Variants in RPS6KA2 observed in about 807,000 individuals in gnomAD.
RPS6KA2 encodes ribosomal protein S6 kinase alpha-2.
A neutral mutation model predicts 91.8 loss-of-function variants in RPS6KA2; 42 were observed. The observed-to-expected ratio is 0.46, with a 90% CI of 0.36 to 0.59. The LOEUF (loss-of-function observed/expected upper bound fraction) is 0.59. Ranked by LOEUF, RPS6KA2 falls within the 20% of genes least tolerant of loss-of-function variation. RPS6KA2 has a pLI of 0.00. For missense variants in RPS6KA2, 798 were observed against 978.5 expected, an observed-to-expected ratio of 0.82 and a Z score of 2.46; for synonymous variants, 414 against 393.6, an observed-to-expected ratio of 1.05 and a Z score of -0.61.
At chr6:166,530,418 T>TC (rs1159543307) in intron 3 of RPS6KA2, among the ~76,000 whole-genome samples, 7 of 152,126 alleles carry the variant, frequency 4.6e-5, no homozygotes, top group Non-Finnish European at 1.5e-5. Flanking sequence ...CACGTGACCC[T>TC]CCCGTTCCTA....
intron 2 of RPS6KA2, among the ~76,000 whole-genome samples, chr6:166,773,030 C>T (rs1243695184): frequency 6.6e-6 from 1 of 152,150 alleles, no homozygotes; most frequent in Non-Finnish European, 1.5e-5. Flanking sequence ...CCACACCCAT[C>T]CTCTCTACAC....
intron 2 of RPS6KA2, among the ~76,000 whole-genome samples, chr6:166,805,850 T>TG (rs1393678323): frequency 0.019 from 2,916 of 152,216 alleles, 104 homozygotes; most frequent in African/African-American, 0.066. Flanking sequence ...TAAAGATGCT[T>TG]GAAGAACTAA....
intron 2 of RPS6KA2, among the ~76,000 whole-genome samples, chr6:166,843,899 A>AATGGATC (rs936840490): frequency 2.6e-4 from 39 of 152,282 alleles, no homozygotes; most frequent in African/African-American, 8.2e-4. Context: ...GCACACCAGC[A>AATGGATC]ATGGATCCAA....
intron 2 of RPS6KA2, among the ~76,000 whole-genome samples, chr6:166,793,264 G>C (rs1779142133): frequency 6.7e-6 from 1 of 148,250 alleles, no homozygotes; most frequent in South Asian, 2.1e-4. Flanking sequence ...TTGCTTCAAA[G>C]AGAATAAAAT....
rs951830763 is a variant in RPS6KA2 at position 166,451,326 on chromosome 6, C to T, written c.1076-93G>A. 16 of 1,356,552 alleles carry T rather than the reference C, an allele frequency of 1.2e-5. No individual in the cohort carries two copies. The South Asian group carries it at 2.0e-4, about 17-fold the overall frequency. The allele number at this position is 1,356,552 out of a possible 1,614,324, so 84.0% of individuals were successfully genotyped here. A position where few individuals can be genotyped will look rare whatever the true frequency, so the allele number is the denominator to read the frequency against. On this transcript the variant is annotated intron_variant, in intron 12 of 20. Transcript: ENST00000265678. ...TGTGTGTGCATGTGGTATGTGTGTG[C>T]AAGTCCGTGTGTGTGTGTGTGTGTG...
At chr6:166,684,066 T>C (rs1788926863) in intron 2 of RPS6KA2, among the ~76,000 whole-genome samples, 1 of 152,160 alleles carries the variant, frequency 6.6e-6, no homozygotes, top group African/African-American at 2.4e-5. Flanking sequence ...TGTTGTCATC[T>C]AGATGTAGCT....
At chr6:166,647,162 A>ATTT (rs112630610) in intron 2 of RPS6KA2, among the ~76,000 whole-genome samples, 1 of 149,692 alleles carries the variant, frequency 6.7e-6, no homozygotes, top group African/African-American at 2.4e-5. Context: ...GTGTTCTCCT[A>ATTT]TTTTTTTTTT....
chr6:166,534,190 C>G (rs1176576452), intron 2 of RPS6KA2, among the ~76,000 whole-genome samples: 2 of 138,392 alleles, frequency 1.4e-5, no homozygotes, highest in Non-Finnish European at 3.0e-5. Flanking sequence ...CCACTGCAGT[C>G]CGGCCTGGGC....
rs201820652 is a variant in RPS6KA2 at position 166,473,740 on chromosome 6, TC to T, written c.908-3836del. On this transcript the variant is annotated intron_variant, in intron 10 of 20. Transcript: ENST00000265678. ...TGTTTGAGAGTCACACAAACCCATC[TC>T]CGACACTTCTGGGAACATTCAGTAG... Among the ~76,000 whole-genome samples, 638 of 152,298 alleles carry T rather than the reference TC, an allele frequency of 4.2e-3. 8 individuals carry two copies. The South Asian group carries it at 0.046, about 11-fold the overall frequency.
At chr6:166,497,967 G>T (rs1373966388) in intron 8 of RPS6KA2, among the ~76,000 whole-genome samples, 1 of 152,160 alleles carries the variant, frequency 6.6e-6, no homozygotes, top group Non-Finnish European at 1.5e-5. Flanking sequence ...CTGGGAGAGT[G>T]GGATTGGGGG....
Position 166,419,951 on chromosome 6 carries a change from T to G in RPS6KA2, c.1751A>C (p.Lys584Thr). The change falls in exon 18 of 21, where the codon AAG (lysine) becomes ACG (threonine). Residue 584 changes from lysine to threonine, a missense_variant. Lys to Thr is a moderately conservative substitution (Grantham distance 78). Coordinates refer to ENST00000265678, the MANE Select transcript of RPS6KA2 (RefSeq NM_021135.6). The surrounding 1 kb of genome is among the most constrained non-coding windows in gnomAD (Gnocchi z 5.6). ...ACACGCCGCATCATAGCCTTGACGC[T>G]TCAGGACCTAGGAGGGAACGACAGG... ...TANFVAPEVL[K>T]RQGYDAACDI... The G allele has an allele frequency of 6.2e-7, 1 of 1,613,692 alleles. No homozygotes were observed. Among genetic ancestry groups the G allele is most frequent in the Non-Finnish European group, 8.5e-7 (1 of 1,179,734 alleles).
At position 166,423,242 on chromosome 6, in the gene RPS6KA2, C is replaced by A. The variant is rs372710804; in HGVS notation, c.1743+14G>T. The A allele has an allele frequency of 6.2e-7, 1 of 1,600,094 alleles. No homozygotes were observed. The highest frequency in any genetic ancestry group is 1.1e-5 in the South Asian group (1 of 90,232). On this transcript the variant is annotated intron_variant, in intron 17 of 20. Transcript: ENST00000265678. The surrounding 1 kb of genome is among the most constrained non-coding windows in gnomAD (Gnocchi z 4.8). Reference sequence around the variant, plus strand: ...GGATAGAGAGGCCTGGGTCTGCAGTCGGGGAATGCTCACCTCCGGGGCCAC... The same window carrying A: ...GGATAGAGAGGCCTGGGTCTGCAGTAGGGGAATGCTCACCTCCGGGGCCAC...
At chr6:166,569,429 ATG>A (rs1784613231) in intron 1 of RPS6KA2, among the ~76,000 whole-genome samples, 1 of 152,168 alleles carries the variant, frequency 6.6e-6, no homozygotes, top group Non-Finnish European at 1.5e-5. Context: ...TTTGCATGGT[ATG>A]TGTCTCTTTC....
At position 166,751,487 on chromosome 6, in the gene RPS6KA2, G is replaced by GC. The variant is rs530321238; in HGVS notation, c.123+106712dup. Among the ~76,000 whole-genome samples, 470 of 152,378 alleles carry GC rather than the reference G, an allele frequency of 3.1e-3. 2 individuals carry two copies. The highest frequency in any genetic ancestry group is 0.011 in the African/African-American group (453 of 41,592). On this transcript the variant is annotated intron_variant, in intron 2 of 21. Transcript: ENST00000503859. Reference sequence around the variant, plus strand: ...AGGGGAGGCAAAGCTGCACCGCAGGGCGTGGAGGAGGTGCAGGCCGGCCAG... The same window carrying GC: ...AGGGGAGGCAAAGCTGCACCGCAGGGCCGTGGAGGAGGTGCAGGCCGGCCAG...
At chr6:166,550,811 G>T (rs1471401793) in intron 1 of RPS6KA2, among the ~76,000 whole-genome samples, 3 of 151,958 alleles carry the variant, frequency 2.0e-5, no homozygotes, top group Non-Finnish European at 4.4e-5. Context: ...CACCATCCTG[G>T]CTAACACGGT....
At chr6:166,640,162 GCAGGAAAGAGGAAA>G (rs1287988223) in intron 2 of RPS6KA2, among the ~76,000 whole-genome samples, 7 of 152,012 alleles carry the variant, frequency 4.6e-5, no homozygotes, top group Non-Finnish European at 1.0e-4. Context: ...AAGGGAGTCA[GCAGGAAAGAGGAAA>G]CAGGTTACAA....
At chr6:166,751,141 G>C (rs923642543) in intron 2 of RPS6KA2, among the ~76,000 whole-genome samples, 10 of 152,318 alleles carry the variant, frequency 6.6e-5, no homozygotes, top group Admixed American at 3.3e-4. Context: ...GGAGCAGTAA[G>C]ATCTTACAGC....
At position 166,420,975 on chromosome 6, in the gene RPS6KA2, T is replaced by C. The variant is rs77272560; in HGVS notation, c.1744-1017A>G. On this transcript the variant is annotated intron_variant, in intron 17 of 20. Transcript: ENST00000265678. ...TCGAGTCGGGAGAGCTCGGCTCAATTTCCTTAGAGATGAGAGCAAGGAGCC... is the reference window on the plus strand; with the variant it reads ...TCGAGTCGGGAGAGCTCGGCTCAATCTCCTTAGAGATGAGAGCAAGGAGCC... Among the ~76,000 whole-genome samples the C allele has an allele frequency of 2.8e-3, 430 of 152,252 alleles. 1 individual carries two copies. The highest frequency in any genetic ancestry group is 4.6e-3 in the Non-Finnish European group (313 of 68,002).
At chr6:166,859,836 G>A (rs1283464883) in intron 1 of RPS6KA2, among the ~76,000 whole-genome samples, 2 of 152,288 alleles carry the variant, frequency 1.3e-5, no homozygotes, top group East Asian at 3.9e-4. Flanking sequence ...CCAATCATCA[G>A]TCCTGTCACA....
Sources: allele counts gnomAD v4.1 joint callset (sites outside exome capture counted in the v4.1 genomes callset), GRCh38; gene constraint gnomAD v4.1.1; non-coding constraint Gnocchi (gnomAD v3.1); transcripts MANE v1.5; gene names NCBI Gene and HGNC (gene_info 2026-07-23, HGNC 2026-07-21).